The following ATP5F1D variants were observed in gnomAD, a reference collection of about 807,000 sequenced individuals.
The protein encoded by ATP5F1D is ATP synthase F1 subunit delta, also known as ATP synthase F(1) complex subunit delta, mitochondrial.
Under a neutral mutation model 13.0 loss-of-function variants are expected in ATP5F1D, and 16 were observed. The observed-to-expected ratio is 1.23, with a 90% CI of 0.83 to 1.87. The LOEUF is 1.87. ATP5F1D is among the 40% of genes most tolerant of loss of function. ATP5F1D has a pLI of 0.00. For synonymous variants in ATP5F1D, 129 were observed against 116.2 expected (o/e 1.11, Z -0.71); for missense variants, 294 against 246.2 (o/e 1.19, Z -1.30).
chr19:1,243,210 A>C (rs964164174), intron 2 of ATP5F1D: 1 of 152,276 alleles, frequency 6.6e-6, no homozygotes, highest in African/African-American at 2.4e-5. Context: ...CCAATGTAGG[A>C]TGGTCGAAGC....
Position 1,242,176 on chromosome 19 carries a change from C to T in ATP5F1D, c.141+185C>T. On this transcript the variant is annotated intron_variant, in intron 1 of 3. Coordinates refer to ENST00000215375, the MANE Select transcript of ATP5F1D (RefSeq NM_001687.5). ...AGCCCTGCGCTGCCCTCGTCCCGGGCACCTCCCCGAGATAAGCGTCTCCTG... is the reference window on the plus strand; with the variant it reads ...AGCCCTGCGCTGCCCTCGTCCCGGGTACCTCCCCGAGATAAGCGTCTCCTG... 3.3e-6 allele frequency: 3 copies of T among 900,528 alleles called. No individual in the cohort carries two copies. In the South Asian group the frequency reaches 1.1e-4, roughly 33 times the overall value. 55.8% of individuals were successfully genotyped at this position (900,528 alleles called of 1,614,324 possible).
Position 1,244,180 on chromosome 19 carries a change from C to G in ATP5F1D, c.379C>G (p.Leu127Val). ...EEAVTLDMLD[L>V]GAAKANLEKA... is the part of the protein sequence containing the mutation. ...GGCCGTGACGCTGGACATGTTGGAC[C>G]TGGGGGTGAGTGTCAGAGGGGACCT... Residue 127 changes from leucine to valine, a missense_variant, in exon 3 of 4, where the codon CTG becomes GTG. Transcript: ENST00000215375. 1 of 1,611,202 alleles carries G rather than the reference C, an allele frequency of 6.2e-7. No individual in the cohort carries two copies. Among genetic ancestry groups the G allele is most frequent in the Non-Finnish European group, 8.5e-7 (1 of 1,178,852 alleles).
rs1238350460 is a variant in ATP5F1D at position 1,242,589 on chromosome 19, G to C, written c.275G>C (p.Gly92Ala). The change falls in exon 2 of 4, where the codon GGC (glycine) becomes GCC (alanine). Residue 92 changes from glycine (G) to alanine (A), a missense_variant. By Grantham distance (60) the Gly-to-Ala change is moderately conservative. Coordinates refer to ENST00000215375, the MANE Select transcript of ATP5F1D (RefSeq NM_001687.5). ...CTGGTCGTGGTGCATGCAGAGGACG[G>C]CACCACCTCCAAATACTTTGGTGAG... The part of the protein sequence containing the change: ...PGLVVVHAED[G>A]TTSKYFVSSG... 6.5e-7 allele frequency: 1 copy of C among 1,533,078 alleles called. No homozygotes were observed. The highest frequency in any genetic ancestry group is 1.2e-5 in the South Asian group (1 of 82,578). The allele number at this position is 1,533,078 out of a possible 1,614,324, so 95.0% of individuals were successfully genotyped here.
chr19:1,243,911 C>T (rs1599961150), intron 2 of ATP5F1D, 186 bp from the exon 3 acceptor site: 2 of 620,652 alleles, frequency 3.2e-6, no homozygotes, highest in Non-Finnish European at 5.6e-6. Context: ...TTTTGTTCTT[C>T]TCTAGCAGTT....
At chr19:1,242,286 C>T (rs903586396) in intron 1 of ATP5F1D, 170 bp from the exon 2 acceptor site, 17 of 869,232 alleles carry the variant, frequency 2.0e-5, no homozygotes, top group Non-Finnish European at 2.7e-5. Context: ...GAATGAGGCG[C>T]AACTGTTGAG....
In ATP5F1D at chr19:1,241,993, T is replaced by C. The variant is rs1350701936; in HGVS notation, c.141+2T>C. ...TTCACCTTCGCCTCTCCCACGCAGG[T>C]TCGGGCGCTGCGGGTCGGGACCCTC... On this transcript the variant is annotated splice_donor_variant, in intron 1 of 3. Transcript: ENST00000215375. LOFTEE classifies it high-confidence loss of function. The C allele has an allele frequency of 6.9e-7, 1 of 1,442,600 alleles. No homozygotes were observed. The highest frequency in any genetic ancestry group is 9.1e-7 in the Non-Finnish European group (1 of 1,096,890). 89.4% of individuals were successfully genotyped at this position (1,442,600 alleles called of 1,614,324 possible).
In ATP5F1D at chr19:1,241,906, C is replaced by A; in HGVS notation, c.56C>A (p.Ala19Asp). Residue 19 changes from alanine (A) to aspartate (D), a missense_variant, in exon 1 of 4, where the codon GCC (alanine) becomes GAC (aspartate). Coordinates refer to ENST00000215375, the MANE Select transcript of ATP5F1D (RefSeq NM_001687.5). ...GGACTTGGCCGCCTCGTCCGCCACG[C>A]CCGTGCCTATGCCGAGGCCGCCGCC... ...RPGLGRLVRH[A>D]RAYAEAAAAP... 2 of 1,488,300 alleles carry A rather than the reference C, an allele frequency of 1.3e-6. No homozygotes were observed. The highest frequency in any genetic ancestry group is 8.9e-7 in the Non-Finnish European group (1 of 1,123,032). The allele number at this position is 1,488,300 out of a possible 1,614,324, so 92.2% of individuals were successfully genotyped here. A position where few individuals can be genotyped will look rare whatever the true frequency, so the allele number is the denominator to read the frequency against.
chr19:1,244,068 C>G (rs2081050284), intron 2 of ATP5F1D, 29 bp from the exon 3 acceptor site: 1 of 1,592,142 alleles, frequency 6.3e-7, no homozygotes, highest in Non-Finnish European at 8.6e-7. Context: ...TTTGGGGTCT[C>G]ACGCCTTCCC....
rs1415708133 is a variant in ATP5F1D at position 1,244,720 on chromosome 19, TC to T, written c.*287del. On this transcript the variant is annotated 3_prime_UTR_variant, in exon 4 of 4. Coordinates refer to ENST00000215375, the MANE Select transcript of ATP5F1D (RefSeq NM_001687.5). ...CCCCAGCCTGACGGGCCGCTTACCATCCCCTCTGCCCTGCAGAGCCAGCCGC... is the reference window on the plus strand; with the variant it reads ...CCCCAGCCTGACGGGCCGCTTACCATCCCTCTGCCCTGCAGAGCCAGCCGC... 2.3e-6 allele frequency: 1 copy of T among 436,420 alleles called. No individual in the cohort carries two copies. The highest frequency in any genetic ancestry group is 4.1e-6 in the Non-Finnish European group (1 of 243,492). 27.0% of individuals were successfully genotyped at this position (436,420 alleles called of 1,614,324 possible). A position where few individuals can be genotyped will look rare whatever the true frequency, so the allele number is the denominator to read the frequency against.
At position 1,244,379 on chromosome 19, in the gene ATP5F1D, G is replaced by A. The variant is rs772599030; in HGVS notation, c.449G>A (p.Arg150Gln). 18 of 1,577,948 alleles carry A rather than the reference G, an allele frequency of 1.1e-5. No homozygotes were observed. Among genetic ancestry groups the A allele is most frequent in the Admixed American group, 3.7e-5 (2 of 54,260 alleles). ...GTGGGGACAGCTGACGAGGCCACGC[G>A]GGCAGAGATCCAGATCCGAATCGAG... ...ELVGTADEAT[R>Q]AEIQIRIEAN... is the part of the protein sequence containing the mutation. The change falls in exon 4 of 4, where the codon CGG becomes CAG. Residue 150 changes from arginine (R) to glutamine (Q), a missense_variant. By Grantham distance (43) the Arg-to-Gln change is conservative (BLOSUM62 1). Coordinates refer to ENST00000215375, the MANE Select transcript of ATP5F1D (RefSeq NM_001687.5).
chr19:1,242,780 A>T, intron 2 of ATP5F1D, 171 bp downstream of exon 2: 1 of 727,784 alleles, frequency 1.4e-6, no homozygotes, highest in East Asian at 3.4e-5. Flanking sequence ...ACCTGAGGTC[A>T]GAAGTTCGGA....
chr19:1,241,947 T>C lies in ATP5F1D; in HGVS notation c.97T>C (p.Ser33Pro), dbSNP rs1466010398. The change falls in exon 1 of 4, where the codon TCT (serine) becomes CCT (proline). Residue 33 changes from serine (S) to proline (P), a missense_variant. Physicochemically the swap from Ser to Pro is moderately conservative, Grantham distance 74. Transcript: ENST00000215375. ...AEAAAAPAAA[S>P]GPNQMSFTFA... The stretch of plus-strand genomic sequence containing the variant: ...GGCCGCCGCCGCCCCGGCTGCCGCC[T>C]CTGGCCCCAACCAGATGTCCTTCAC... 4.0e-6 allele frequency: 6 copies of C among 1,496,172 alleles called. No homozygotes were observed. Among genetic ancestry groups the C allele is most frequent in the Non-Finnish European group, 5.3e-6 (6 of 1,124,962 alleles). 92.7% of individuals were successfully genotyped at this position (1,496,172 alleles called of 1,614,324 possible).
chr19:1,242,468 G>T lies in ATP5F1D; in HGVS notation c.154G>T (p.Gly52Cys). The T allele has an allele frequency of 3.9e-6, 6 of 1,528,744 alleles. No homozygotes were observed. Among genetic ancestry groups the T allele is most frequent in the Admixed American group, 2.0e-5 (1 of 49,590 alleles). 94.7% of individuals were successfully genotyped at this position (1,528,744 alleles called of 1,614,324 possible). Residue 52 changes from glycine (G) to cysteine (C), a missense_variant, in exon 2 of 4, where the codon GGT becomes TGT. Coordinates refer to ENST00000215375, the MANE Select transcript of ATP5F1D (RefSeq NM_001687.5). Reference protein sequence around the residue: ...FASPTQVFFNGANVRQVDVPT... With the variant: ...FASPTQVFFNCANVRQVDVPT... ...CTGTTGTCTGCAGGTGTTCTTCAACGGTGCCAACGTCCGGCAGGTGGACGT... is the reference window on the plus strand; with the variant it reads ...CTGTTGTCTGCAGGTGTTCTTCAACTGTGCCAACGTCCGGCAGGTGGACGT...
intron 1 of ATP5F1D, 115 bp from the exon 2 acceptor site, chr19:1,242,341 G>C (rs1306785533): frequency 1.3e-5 from 17 of 1,262,612 alleles, no homozygotes; most frequent in Non-Finnish European, 1.7e-5. Flanking sequence ...TTGTCTCAGT[G>C]CCTCACATCA....
At position 1,242,138 on chromosome 19, in the gene ATP5F1D, C is replaced by T. The variant is rs2081040554; in HGVS notation, c.141+147C>T. ...ACTCAGCCCTGGACCCTCGGCCCTGCCTCTGCTGCCCGAGCCCTGCGCTGC... is the reference window on the plus strand; with the variant it reads ...ACTCAGCCCTGGACCCTCGGCCCTGTCTCTGCTGCCCGAGCCCTGCGCTGC... On this transcript the variant is annotated intron_variant, in intron 1 of 3. Coordinates refer to ENST00000215375, the MANE Select transcript of ATP5F1D (RefSeq NM_001687.5). 17 of 1,066,316 alleles carry T rather than the reference C, an allele frequency of 1.6e-5. No homozygotes were observed. In the South Asian group the frequency reaches 5.2e-4, roughly 33 times the overall value. 66.1% of individuals were successfully genotyped at this position (1,066,316 alleles called of 1,614,324 possible). A position where few individuals can be genotyped will look rare whatever the true frequency, so the allele number is the denominator to read the frequency against.
Position 1,242,445 on chromosome 19 carries a change from G to A in ATP5F1D, c.142-11G>A, listed in dbSNP as rs756602418. 1 of 1,509,738 alleles carries A rather than the reference G, an allele frequency of 6.6e-7. No homozygotes were observed. The highest frequency in any genetic ancestry group is 1.3e-5 in the South Asian group (1 of 79,200). The allele number at this position is 1,509,738 out of a possible 1,614,324, so 93.5% of individuals were successfully genotyped here. On this transcript the variant is annotated splice_polypyrimidine_tract_variant and intron_variant, in intron 1 of 3. Coordinates refer to ENST00000215375, the MANE Select transcript of ATP5F1D (RefSeq NM_001687.5). ...CTGCCCCGCCATCATTCCCCACGCT[G>A]TTGTCTGCAGGTGTTCTTCAACGGT...
In ATP5F1D at chr19:1,242,480, C is replaced by A. The variant is rs2081042423; in HGVS notation, c.166C>A (p.Arg56=). The A allele has an allele frequency of 1.5e-5, 23 of 1,536,422 alleles. No individual in the cohort carries two copies. Among genetic ancestry groups the A allele is most frequent in the Non-Finnish European group, 1.9e-5 (22 of 1,136,838 alleles). ...TQVFFNGANV[R]QVDVPTLTGA... is the part of the protein sequence containing the mutation. The stretch of plus-strand genomic sequence containing the variant: ...GGTGTTCTTCAACGGTGCCAACGTC[C>A]GGCAGGTGGACGTGCCCACGCTGAC... Residue 56 remains arginine, a synonymous_variant, in exon 2 of 4, where the codon CGG becomes AGG. Coordinates refer to ENST00000215375, the MANE Select transcript of ATP5F1D (RefSeq NM_001687.5).
At position 1,244,401 on chromosome 19, in the gene ATP5F1D, C is replaced by A. The variant is rs774017721; in HGVS notation, c.471C>A (p.Ile157=). Residue 157 remains isoleucine, a synonymous_variant, in exon 4 of 4, where the codon ATC becomes ATA. Transcript: ENST00000215375. ...CGCGGGCAGAGATCCAGATCCGAATCGAGGCCAACGAGGCCCTGGTGAAGG... is the reference window on the plus strand; with the variant it reads ...CGCGGGCAGAGATCCAGATCCGAATAGAGGCCAACGAGGCCCTGGTGAAGG... ...EATRAEIQIR[I]EANEALVKAL... 1 of 1,563,994 alleles carries A rather than the reference C, an allele frequency of 6.4e-7. No individual in the cohort carries two copies. The highest frequency in any genetic ancestry group is 1.2e-5 in the South Asian group (1 of 84,952).
Position 1,244,518 on chromosome 19 carries a change from C to A in ATP5F1D, c.*81C>A. 1 of 1,501,708 alleles carries A rather than the reference C, an allele frequency of 6.7e-7. No homozygotes were observed. The highest frequency in any genetic ancestry group is 2.5e-5 in the East Asian group (1 of 40,372). The allele number at this position is 1,501,708 out of a possible 1,614,324, so 93.0% of individuals were successfully genotyped here. A position where few individuals can be genotyped will look rare whatever the true frequency, so the allele number is the denominator to read the frequency against. ...TGGGCCCAGCCAGCTCCTGGGGTCC[C>A]GGCCACCTGGGGAAGCCGCGCCTGC... On this transcript the variant is annotated 3_prime_UTR_variant, in exon 4 of 4. Coordinates refer to ENST00000215375, the MANE Select transcript of ATP5F1D (RefSeq NM_001687.5).
Sources: allele counts gnomAD v4.1 joint callset, GRCh38; gene constraint gnomAD v4.1.1; transcripts MANE v1.5; gene names NCBI Gene and HGNC (gene_info 2026-07-23, HGNC 2026-07-21).